The following FKBP5 variants were observed in gnomAD, a reference collection of about 807,000 sequenced individuals.
FKBP5 encodes FKBP prolyl isomerase 5.
A neutral mutation model predicts 50.5 loss-of-function variants in FKBP5; 23 were observed. The ratio of observed to expected loss-of-function variants is 0.46; its 90% CI spans 0.33 to 0.65. The LOEUF is 0.65. FKBP5 is among the 30% of genes least tolerant of loss of function. The pLI is 0.02. For synonymous variants in FKBP5, 176 were observed against 190.6 expected (o/e 0.92, Z 0.63); for missense variants, 411 against 553.1 (o/e 0.74, Z 2.58).
At chr6:35,608,719 G>T (rs2150970804) in intron 5 of FKBP5, among the ~76,000 whole-genome samples, 1 of 152,184 alleles carries the variant, frequency 6.6e-6, no homozygotes, top group Middle Eastern at 3.4e-3. Context: ...AATAATCTTA[G>T]ACAATTTTGC....
intron 1 of FKBP5, among the ~76,000 whole-genome samples, 190 bp from the exon 2 acceptor site, chr6:35,643,033 T>C (rs1273905558): frequency 6.6e-6 from 1 of 152,158 alleles, no homozygotes; most frequent in Admixed American, 6.6e-5. Flanking sequence ...TAAAACATCA[T>C]CCAATTCTTT....
intron 5 of FKBP5, among the ~76,000 whole-genome samples, chr6:35,609,681 C>A (rs1343809817): frequency 6.6e-6 from 1 of 152,074 alleles, no homozygotes; most frequent in Non-Finnish European, 1.5e-5. Flanking sequence ...CACTTTTCAT[C>A]CCTCTTTTTT....
chr6:35,622,291 C>G (rs546685029), intron 3 of FKBP5, among the ~76,000 whole-genome samples: 1 of 152,116 alleles, frequency 6.6e-6, no homozygotes, highest in African/African-American at 2.4e-5. Context: ...GGAGCATCCA[C>G]TTGAGCCCAA....
upstream of FKBP5, among the ~76,000 whole-genome samples, chr6:35,690,330 C>T (rs1765960947): frequency 6.6e-6 from 1 of 151,818 alleles, no homozygotes; most frequent in Non-Finnish European, 1.5e-5. Flanking sequence ...AAAAATTAGC[C>T]GGGCATGGTG....
At chr6:35,697,653 A>G (rs1766108106) in intron 2 of FKBP5, among the ~76,000 whole-genome samples, 2 of 152,206 alleles carry the variant, frequency 1.3e-5, no homozygotes, top group South Asian at 4.1e-4. Flanking sequence ...CTCATATTAT[A>G]TGATTACATT....
intron 2 of FKBP5, among the ~76,000 whole-genome samples, chr6:35,697,770 A>G (rs542898712): frequency 1.3e-5 from 2 of 152,260 alleles, no homozygotes; most frequent in Non-Finnish European, 2.9e-5. Flanking sequence ...AAGAATACAG[A>G]ATTTCTTTTT....
intron 10 of FKBP5, 152 bp downstream of exon 10, chr6:35,576,842 G>A (rs2150948694): frequency 4.4e-6 from 4 of 911,174 alleles, no homozygotes; most frequent in African/African-American, 3.3e-5. Flanking sequence ...TGCCCTACTC[G>A]ACCTTTGGAT....
chr6:35,631,681 G>A (rs1764158527), intron 3 of FKBP5, among the ~76,000 whole-genome samples: 1 of 152,156 alleles, frequency 6.6e-6, no homozygotes, highest in African/African-American at 2.4e-5. Flanking sequence ...TTGAGGCTGG[G>A]TGTGGTGGCT....
chr6:35,616,985 GT>G (rs1763679478), intron 5 of FKBP5, among the ~76,000 whole-genome samples: 2 of 151,668 alleles, frequency 1.3e-5, no homozygotes, highest in South Asian at 4.1e-4. Flanking sequence ...AAATCAAGAG[GT>G]TCAAGCTTGC....
intron 2 of FKBP5, among the ~76,000 whole-genome samples, chr6:35,641,081 T>C (rs926482740): frequency 1.3e-5 from 2 of 152,200 alleles, no homozygotes; most frequent in Admixed American, 1.3e-4. Context: ...CAGGCTTACA[T>C]GATCCTCCTG....
At chr6:35,586,909 TAA>T (rs1762617729) in intron 8 of FKBP5, 123 bp downstream of exon 8, 1 of 1,532,732 alleles carries the variant, frequency 6.5e-7, no homozygotes, top group Non-Finnish European at 8.8e-7. Context: ...GACAGATTTA[TAA>T]AAATTGCAGC....
chr6:35,600,310 C>T (rs191302599), intron 5 of FKBP5, among the ~76,000 whole-genome samples: 1 of 151,920 alleles, frequency 6.6e-6, no homozygotes, highest in Admixed American at 6.6e-5. Flanking sequence ...CCCAGCTACT[C>T]GAGAGGCTGA....
At chr6:35,644,837 G>A (rs1475635235) in intron 1 of FKBP5, among the ~76,000 whole-genome samples, 1 of 152,072 alleles carries the variant, frequency 6.6e-6, no homozygotes, top group Non-Finnish European at 1.5e-5. Flanking sequence ...GGAGGGTCCT[G>A]GACTGTATGC....
chr6:35,606,791 G>A (rs138494403), intron 5 of FKBP5, among the ~76,000 whole-genome samples: 2 of 150,808 alleles, frequency 1.3e-5, no homozygotes, highest in African/African-American at 4.9e-5. Flanking sequence ...CCTGTGGAAA[G>A]CAGTTTTGGA....
chr6:35,666,214 C>G (rs1312246869), intron 1 of FKBP5, among the ~76,000 whole-genome samples: 1 of 150,924 alleles, frequency 6.6e-6, no homozygotes, highest in African/African-American at 2.4e-5. Flanking sequence ...AAAAATAACA[C>G]TTCATATCTT....
At chr6:35,669,248 C>CA (rs1347530156) in intron 1 of FKBP5, among the ~76,000 whole-genome samples, 3 of 152,160 alleles carry the variant, frequency 2.0e-5, no homozygotes, top group African/African-American at 7.2e-5. Context: ...CTGGAATTCT[C>CA]TGGAAATAAG....
At chr6:35,708,515 G>T (rs924575298) in intron 2 of FKBP5, among the ~76,000 whole-genome samples, 1 of 152,018 alleles carries the variant, frequency 6.6e-6, no homozygotes, top group Non-Finnish European at 1.5e-5. Context: ...GCCTCCCAAA[G>T]TGCTGGGATT....
chr6:35,682,905 TAAAAAAAAA>T lies in FKBP5; in HGVS notation c.-20+5890_-20+5898del, dbSNP rs569511819. Among the ~76,000 whole-genome samples, 18 of 122,734 alleles carry T rather than the reference TAAAAAAAAA, an allele frequency of 1.5e-4. 1 individual carries two copies. The highest frequency in any genetic ancestry group is 6.8e-4 in the Admixed American group (8 of 11,734). The allele number at this position is 122,734 out of a possible 152,430, so 80.5% of individuals were successfully genotyped here. On this transcript the variant is annotated intron_variant, in intron 1 of 10. Coordinates refer to ENST00000357266, the MANE Select transcript of FKBP5 (RefSeq NM_004117.4). ...TGACAGAGCAAGAAACAATCTCTTT[TAAAAAAAAA>T]AAAAAAGAAAAAAAAGTATATATAT...
chr6:35,661,632 G>A (rs112972898), intron 1 of FKBP5, among the ~76,000 whole-genome samples: 18,254 of 79,786 alleles, frequency 0.23, 7,508 homozygotes, highest in African/African-American at 0.51. Context: ...TTAGCCGGGT[G>A]TGGTGGCAAG....
Sources: allele counts gnomAD v4.1 joint callset (sites outside exome capture counted in the v4.1 genomes callset), GRCh38; gene constraint gnomAD v4.1.1; transcripts MANE v1.5; gene names NCBI Gene and HGNC (gene_info 2026-07-23, HGNC 2026-07-21).